The following GOLGA3 variants were observed in gnomAD, a reference collection of about 807,000 sequenced individuals.
The protein encoded by GOLGA3 is golgin subfamily A member 3.
In GOLGA3, 75 loss-of-function variants were observed where a neutral mutation model predicts 169.4. The observed-to-expected ratio is 0.44, with a 90% CI of 0.37 to 0.54. The LOEUF is 0.54. Ranked by LOEUF, GOLGA3 falls within the 20% of genes least tolerant of loss-of-function variation. GOLGA3 has a pLI of 0.00. For missense variants in GOLGA3, 1,899 were observed against 1,930.0 expected (o/e 0.98, Z 0.30); for synonymous variants, 824 against 822.4 (o/e 1.00, Z -0.03).
chr12:132,798,273 AAACACAC>A (rs1948967320), intron 9 of GOLGA3, 60 bp downstream of exon 9: 2 of 1,443,250 alleles, frequency 1.4e-6, no homozygotes, highest in African/African-American at 2.9e-5. Flanking sequence ...ACATGTAAGA[AAACACAC>A]ATGGTATCGA....
chr12:132,802,220 A>G (rs186418083), intron 7 of GOLGA3, among the ~76,000 whole-genome samples: 35 of 152,410 alleles, frequency 2.3e-4, no homozygotes, highest in Admixed American at 2.3e-3. Context: ...TCACCAGCTC[A>G]TCAATACATA....
chr12:132,811,873 G>A (rs35604905), intron 4 of GOLGA3: 255,451 of 836,630 alleles, frequency 0.31, 39,202 homozygotes, highest in South Asian at 0.43. Context: ...TAGGCTGGGC[G>A]CGATGGTGGG....
chr12:132,790,040 C>A (rs7132069), intron 12 of GOLGA3, among the ~76,000 whole-genome samples: 99,845 of 149,816 alleles, frequency 0.67, 33,485 homozygotes, highest in East Asian at 0.8. Flanking sequence ...CTCAAAAAAA[C>A]TAAATTACAG....
chr12:132,823,316 A>G (rs1178505099), intron 1 of GOLGA3, among the ~76,000 whole-genome samples: 2 of 152,256 alleles, frequency 1.3e-5, no homozygotes, highest in African/African-American at 4.8e-5. Context: ...TTTCCTTATC[A>G]ACAGGTAAGA....
intron 12 of GOLGA3, among the ~76,000 whole-genome samples, chr12:132,789,915 C>A (rs945412412): frequency 6.6e-6 from 1 of 152,150 alleles, no homozygotes. Flanking sequence ...TGCTTGTAGT[C>A]CCAGCTACTC....
rs1429410663 is a variant in GOLGA3 at position 132,787,347 on chromosome 12, TGGACCCAGGACCTCTCCTCCAAACCCTCA to T, written c.2812-589_2812-561del. Among the ~76,000 whole-genome samples the T allele has an allele frequency of 3.9e-5, 6 of 152,092 alleles. No homozygotes were observed. In the South Asian group the frequency reaches 1.0e-3, roughly 26 times the overall value. On this transcript the variant is annotated intron_variant, in intron 13 of 23. Transcript: ENST00000450791. Reference sequence around the variant, plus strand: ...CATGACTGGTTCATAGGAAAGCCTGTGGACCCAGGACCTCTCCTCCAAACCCTCAGGACCCAGGACCCCTCCCCAGGGCC... The same window carrying T: ...CATGACTGGTTCATAGGAAAGCCTGTGGACCCAGGACCCCTCCCCAGGGCC...
chr12:132,817,182 G>A (rs1430828747), intron 2 of GOLGA3, among the ~76,000 whole-genome samples: 16 of 100,282 alleles, frequency 1.6e-4, no homozygotes, highest in Admixed American at 5.2e-4. Context: ...AGGTGAACCC[G>A]CCCTCCACAC....
Position 132,772,887 on chromosome 12 carries a change from G to C in GOLGA3, c.*218C>G, listed in dbSNP as rs1008547905. On this transcript the variant is annotated 3_prime_UTR_variant, in exon 24 of 24. Coordinates refer to ENST00000450791, the MANE Select transcript of GOLGA3 (RefSeq NM_001389683.1). ...AAAGCTCCTCGCCGAGAGCCTATCA[G>C]GCTTTTAAGAGTTGGTCATTCCATG... 2 of 492,404 alleles carry C rather than the reference G, an allele frequency of 4.1e-6. No individual in the cohort carries two copies. Among genetic ancestry groups the C allele is most frequent in the East Asian group, 3.5e-5 (1 of 28,544 alleles). 30.5% of individuals were successfully genotyped at this position (492,404 alleles called of 1,614,324 possible).
At chr12:132,790,594 G>T (rs558240573) in intron 12 of GOLGA3, among the ~76,000 whole-genome samples, 1 of 152,250 alleles carries the variant, frequency 6.6e-6, no homozygotes, top group Admixed American at 6.5e-5. Flanking sequence ...CCCAACCTGT[G>T]TGTTAACAAC....
chr12:132,783,845 G>A (rs1190547677), intron 16 of GOLGA3: 2 of 1,359,570 alleles, frequency 1.5e-6, no homozygotes, highest in East Asian at 2.6e-5. Context: ...CAAAGTGCTG[G>A]GATTACAGGC....
At position 132,796,054 on chromosome 12, in the gene GOLGA3, T is replaced by C. The variant is rs1566101889; in HGVS notation, c.2267A>G (p.Glu756Gly). The C allele has an allele frequency of 1.2e-6, 2 of 1,612,436 alleles. No homozygotes were observed. Among genetic ancestry groups the C allele is most frequent in the Non-Finnish European group, 1.7e-6 (2 of 1,179,914 alleles). Residue 756 changes from glutamate (E) to glycine (G), a missense_variant, in exon 11 of 24, where the codon GAG becomes GGG. Physicochemically the swap from Glu to Gly is moderately conservative, Grantham distance 98 (BLOSUM62 -2). Transcript: ENST00000450791. Reference sequence around the variant, plus strand: ...CCTGGAGGCGGCCTCGCCCTGCAGCTCCCCCAGCCTGGCCTGCAGCTCATC... The same window carrying C: ...CCTGGAGGCGGCCTCGCCCTGCAGCCCCCCCAGCCTGGCCTGCAGCTCATC... The part of the protein sequence containing the change: ...HYDELQARLG[E>G]LQGEAASRED...
At chr12:132,788,535 G>GC (rs2046047602) in intron 13 of GOLGA3, among the ~76,000 whole-genome samples, 1 of 152,162 alleles carries the variant, frequency 6.6e-6, no homozygotes, top group Admixed American at 6.5e-5. Flanking sequence ...GCAGAAGCCA[G>GC]CCCAGGCTCA....
At position 132,798,179 on chromosome 12, in the gene GOLGA3, T is replaced by TC. The variant is rs1555257633; in HGVS notation, c.1938+160_1938+161insG. On this transcript the variant is annotated intron_variant, in intron 9 of 23. Transcript: ENST00000450791. Reference sequence around the variant, plus strand: ...GCCCCCACAGGTGAGGGATGAGGGGTGGGGGGGGGGTCCCAAAGCCTTAAC... The same window carrying TC: ...GCCCCCACAGGTGAGGGATGAGGGGTCGGGGGGGGGGTCCCAAAGCCTTAAC... Among the ~76,000 whole-genome samples the TC allele has an allele frequency of 2.6e-4, 10 of 37,832 alleles. No homozygotes were observed. In the South Asian group the frequency reaches 7.2e-3, roughly 27 times the overall value. 24.8% of individuals were successfully genotyped at this position (37,832 alleles called of 152,430 possible).
intron 6 of GOLGA3, among the ~76,000 whole-genome samples, chr12:132,806,680 G>C (rs1949422579): frequency 1.3e-5 from 2 of 152,232 alleles, no homozygotes. Flanking sequence ...ACTGCCGACA[G>C]AAGATAAATA....
intron 3 of GOLGA3, among the ~76,000 whole-genome samples, chr12:132,814,857 A>T (rs1431584351): frequency 6.6e-6 from 1 of 152,248 alleles, no homozygotes; most frequent in Non-Finnish European, 1.5e-5. Context: ...GTGATGAAAG[A>T]GTTGCATGGT....
chr12:132,809,278 A>C (rs1256848444), intron 4 of GOLGA3, among the ~76,000 whole-genome samples: 1 of 152,238 alleles, frequency 6.6e-6, no homozygotes, highest in Admixed American at 6.5e-5. Context: ...AAGGCAGACT[A>C]GGAGTGTGAC....
Position 132,822,434 on chromosome 12 carries a change from A to G in GOLGA3, c.-183-123T>C, listed in dbSNP as rs1021117194. On this transcript the variant is annotated intron_variant, in intron 1 of 23. Transcript: ENST00000450791. ...GAAACAAATACAAACTTTTTCATTC[A>G]GCAAATAATCCTGGAGCACCCACAA... 5.3e-6 allele frequency: 3 copies of G among 570,374 alleles called. No homozygotes were observed. The African/African-American group carries it at 6.0e-5, about 11-fold the overall frequency. The allele number at this position is 570,374 out of a possible 1,614,324, so 35.3% of individuals were successfully genotyped here.
intron 11 of GOLGA3, among the ~76,000 whole-genome samples, chr12:132,794,333 TA>T (rs1218754773): frequency 0.02 from 2,593 of 132,414 alleles, 65 homozygotes; most frequent in African/African-American, 0.055. Flanking sequence ...CGTATCTATT[TA>T]AAAAAAAAAA....
At chr12:132,813,026 T>C (rs1458425323) in intron 4 of GOLGA3, among the ~76,000 whole-genome samples, 1 of 152,250 alleles carries the variant, frequency 6.6e-6, no homozygotes, top group African/African-American at 2.4e-5. Context: ...TACACATAAC[T>C]TCTTTATGCA....
Sources: gnomAD v4.1 joint callset for allele counts (sites outside exome capture counted in the v4.1 genomes callset) on GRCh38, gnomAD v4.1.1 for gene constraint, MANE v1.5 for transcripts, NCBI Gene and HGNC (gene_info 2026-07-23, HGNC 2026-07-21) for gene names.